The following EYS variants were observed in gnomAD, a reference collection of about 807,000 sequenced individuals.
EYS encodes EGF-like photoreceptor maintenance factor.
Under a neutral mutation model 282.1 loss-of-function variants are expected in EYS, and 250 were observed. The observed-to-expected ratio is 0.89, with a 90% CI of 0.80 to 0.98. EYS has a LOEUF of 0.98. EYS is among the 50% of genes least tolerant of loss of function. EYS has a pLI of 0.00. For synonymous variants in EYS, 1,355 were observed against 1,282.9 expected, an observed-to-expected ratio of 1.06 and a Z score of -1.20; for missense variants, 4,016 against 3,709.0, an observed-to-expected ratio of 1.08 and a Z score of -2.15.
intron 2 of EYS, among the ~76,000 whole-genome samples, chr6:65,550,143 C>CTTTCTTTTTTTTTTTTT (rs1562254227): frequency 1.3e-3 from 8 of 5,958 alleles, no homozygotes; most frequent in Admixed American, 5.8e-3. Flanking sequence ...TCTACTATAT[C>CTTTCTTTTTTTTTTTTT]TTTTTTTTTT....
chr6:65,688,153 G>C (rs961760491), intron 1 of EYS, among the ~76,000 whole-genome samples: 8 of 152,108 alleles, frequency 5.3e-5, no homozygotes, highest in Non-Finnish European at 7.3e-5. Flanking sequence ...GAACAAAGCT[G>C]GAGGCATCAC....
intron 35 of EYS, among the ~76,000 whole-genome samples, chr6:63,934,504 G>A (rs529801424): frequency 2.6e-5 from 4 of 152,042 alleles, no homozygotes; most frequent in Non-Finnish European, 4.4e-5. Flanking sequence ...CAACCCAAAC[G>A]TCCAACAATG....
chr6:65,426,832 T>C (rs937168899), intron 5 of EYS, among the ~76,000 whole-genome samples: 31 of 152,146 alleles, frequency 2.0e-4, no homozygotes, highest in African/African-American at 6.3e-4. Flanking sequence ...CTTAATTTAG[T>C]AATTTACATG....
At chr6:64,743,262 C>T (rs920211744) in intron 22 of EYS, among the ~76,000 whole-genome samples, 8 of 152,040 alleles carry the variant, frequency 5.3e-5, no homozygotes, top group African/African-American at 1.9e-4. Context: ...GTAGTGCCTA[C>T]AGAACCATGG....
At chr6:65,486,325 T>G (rs1448067961) in intron 5 of EYS, among the ~76,000 whole-genome samples, 3 of 152,184 alleles carry the variant, frequency 2.0e-5, no homozygotes, top group Admixed American at 2.0e-4. Flanking sequence ...TCATCAACAT[T>G]CAAAGTTTAG....
chr6:65,196,901 C>T (rs1765780743), intron 12 of EYS, among the ~76,000 whole-genome samples: 1 of 152,036 alleles, frequency 6.6e-6, no homozygotes, highest in Admixed American at 6.6e-5. Context: ...AGGCCAGCAG[C>T]CTCACCAAAC....
chr6:65,293,828 G>T (rs1768592053), intron 12 of EYS, among the ~76,000 whole-genome samples: 1 of 151,824 alleles, frequency 6.6e-6, no homozygotes, highest in South Asian at 2.1e-4. Context: ...CATTTAATCT[G>T]GAAATTTGAC....
At chr6:64,577,389 G>C (rs1030648195) in intron 26 of EYS, among the ~76,000 whole-genome samples, 2 of 151,774 alleles carry the variant, frequency 1.3e-5, no homozygotes, top group African/African-American at 2.4e-5. Context: ...TTATAGTTCT[G>C]TATTTTCTAA....
At chr6:65,512,375 G>A (rs1406550702) in intron 2 of EYS, among the ~76,000 whole-genome samples, 6 of 151,376 alleles carry the variant, frequency 4.0e-5, no homozygotes, top group Admixed American at 4.0e-4. Context: ...TGTAGTCCCA[G>A]CTACTCAGGA....
At chr6:63,993,953 A>G (rs984401235) in intron 34 of EYS, among the ~76,000 whole-genome samples, 2 of 151,950 alleles carry the variant, frequency 1.3e-5, no homozygotes, top group Admixed American at 1.3e-4. Flanking sequence ...AAATGTATAA[A>G]CCAATGAAAC....
At chr6:64,607,958 A>G (rs1766987820) in intron 24 of EYS, among the ~76,000 whole-genome samples, 2 of 152,188 alleles carry the variant, frequency 1.3e-5, no homozygotes, top group African/African-American at 4.8e-5. Flanking sequence ...TCAATAGGGT[A>G]AAGTATCCAA....
At chr6:63,932,325 T>G (rs1366421125) in intron 35 of EYS, among the ~76,000 whole-genome samples, 1 of 152,222 alleles carries the variant, frequency 6.6e-6, no homozygotes, top group African/African-American at 2.4e-5. Context: ...ATATACTGAT[T>G]TCCTTTTCTG....
intron 2 of EYS, among the ~76,000 whole-genome samples, chr6:65,554,166 T>C (rs1367677464): frequency 1.3e-5 from 2 of 152,180 alleles, no homozygotes; most frequent in Non-Finnish European, 2.9e-5. Context: ...TTCTAGCCTC[T>C]GGAACTGTGT....
chr6:63,752,184 T>C (rs1769354705), intron 41 of EYS, among the ~76,000 whole-genome samples: 1 of 152,190 alleles, frequency 6.6e-6, no homozygotes, highest in South Asian at 2.1e-4. Context: ...CCTGGACTTC[T>C]ACAGGGACTT....
intron 12 of EYS, among the ~76,000 whole-genome samples, chr6:65,224,275 A>T (rs1766557976): frequency 6.6e-6 from 1 of 152,200 alleles, no homozygotes; most frequent in African/African-American, 2.4e-5. Flanking sequence ...AGAGTTCATA[A>T]ATATGTGAAA....
At chr6:64,458,531 C>T (rs1775635992) in intron 26 of EYS, among the ~76,000 whole-genome samples, 1 of 152,134 alleles carries the variant, frequency 6.6e-6, no homozygotes. Flanking sequence ...AAGGTTTTGG[C>T]TGCAAAGTCT....
intron 41 of EYS, among the ~76,000 whole-genome samples, chr6:63,727,598 C>A (rs1034831828): frequency 7.0e-6 from 1 of 142,592 alleles, no homozygotes; most frequent in Non-Finnish European, 1.5e-5. Context: ...AGGCTGGGCA[C>A]GGTGGCTCAC....
chr6:63,782,120 AG>A (rs1770244310), intron 39 of EYS, among the ~76,000 whole-genome samples: 1 of 152,184 alleles, frequency 6.6e-6, no homozygotes, highest in Non-Finnish European at 1.5e-5. Flanking sequence ...ATGGTGGATA[AG>A]CTTTTTGATG....
intron 31 of EYS, among the ~76,000 whole-genome samples, chr6:64,125,404 C>CT (rs527569208): frequency 0.036 from 5,231 of 145,254 alleles, 172 homozygotes; most frequent in African/African-American, 0.092. Context: ...GAAAGGAGCA[C>CT]TTTTTTTTTT....
Sources: allele counts gnomAD v4.1 joint callset (sites outside exome capture counted in the v4.1 genomes callset), GRCh38; gene constraint gnomAD v4.1.1; transcripts MANE v1.5; gene names NCBI Gene and HGNC (gene_info 2026-07-23, HGNC 2026-07-21).